VSX2: variants seen among roughly 807,000 people sequenced by gnomAD.
The protein encoded by VSX2 is visual system homeobox 2, also known as ceh-10 homeo domain containing homolog.
A neutral mutation model predicts 32.1 loss-of-function variants in VSX2; 28 were observed. That is an observed-to-expected ratio of 0.87 (90% confidence interval 0.65 to 1.20). The LOEUF (loss-of-function observed/expected upper bound fraction) is 1.20, where lower values mean the gene tolerates loss of function less well. Ranked by LOEUF, VSX2 falls within the 50% of genes most tolerant of loss-of-function variation. The probability of loss-of-function intolerance (pLI) is 0.00; values close to 1 mark genes in which losing one functional copy is unlikely to be tolerated. For synonymous variants in VSX2, 243 were observed against 214.1 expected (o/e 1.14, Z -1.18); for missense variants, 506 against 488.7 (o/e 1.04, Z -0.33).
rs772616650 is a variant in VSX2 at position 74,260,691 on chromosome 14, C to T, written c.858C>T (p.Asp286=). Reference sequence around the variant, plus strand: ...CCAAGCTCGACAAGATGGAGCAGGACGAGCGGGGCCCCGACGCTCAGGCGG... The same window carrying T: ...CCAAGCTCGACAAGATGGAGCAGGATGAGCGGGGCCCCGACGCTCAGGCGG... ...ALPKLDKMEQ[D]ERGPDAQAAI... is the part of the protein sequence containing the mutation. Residue 286 remains aspartate (D), a synonymous_variant, in exon 5 of 5, where the codon GAC becomes GAT. Transcript: ENST00000261980. The T allele has an allele frequency of 9.3e-5, 149 of 1,595,740 alleles. 2 individuals carry two copies. In the East Asian group the frequency reaches 3.0e-3, roughly 32 times the overall value.
intron 3 of VSX2, among the ~76,000 whole-genome samples, chr14:74,252,398 T>TC (rs1268395098): frequency 4.0e-5 from 6 of 151,428 alleles, no homozygotes; most frequent in African/African-American, 1.2e-4. Flanking sequence ...TTCTTTCTTT[T>TC]TTTTTTTTTT....
In VSX2 at chr14:74,253,396, G is replaced by T. The variant is rs12587430; in HGVS notation, c.580-6206G>T. Among the ~76,000 whole-genome samples, 302 of 152,330 alleles carry T rather than the reference G, an allele frequency of 2.0e-3. 12 individuals carry two copies. In the East Asian group the frequency reaches 0.053, roughly 27 times the overall value. ...CTAGAAAAAGGAGCCTAAATGCTGA[G>T]AAGACATATCAAAGGTGGGAGATAA... On this transcript the variant is annotated intron_variant, in intron 3 of 4. Transcript: ENST00000261980.
At chr14:74,259,572 A>G in intron 3 of VSX2, 30 bp from the exon 4 acceptor site, 1 of 1,613,806 alleles carries the variant, frequency 6.2e-7, no homozygotes, top group Non-Finnish European at 8.5e-7. Flanking sequence ...CTCTCAGAGC[A>G]AGCCTCTGAC....
chr14:74,257,614 GA>G (rs760640249), intron 3 of VSX2, among the ~76,000 whole-genome samples: 2 of 754 alleles, frequency 2.7e-3, no homozygotes, highest in South Asian at 0.033. Flanking sequence ...CCCTGCCGGG[GA>G]TTGGCCGGCC....
intron 2 of VSX2, among the ~76,000 whole-genome samples, chr14:74,244,301 G>A (rs573443267): frequency 2.0e-5 from 3 of 152,270 alleles, no homozygotes; most frequent in South Asian, 2.1e-4. Context: ...AGGGTGGCCC[G>A]AATGGAACCC....
intron 3 of VSX2, among the ~76,000 whole-genome samples, chr14:74,250,403 T>G (rs2079220886): frequency 6.6e-6 from 1 of 152,178 alleles, no homozygotes; most frequent in African/African-American, 2.4e-5. Context: ...TATATTCATG[T>G]GTTTATTTTT....
rs2079303700 is a variant in VSX2 at position 74,261,025 on chromosome 14, C to G, written c.*106C>G. ...AAGGCCCAGACCTGGCCTCTGCCAT[C>G]CTCCCTGTTCCCCACAGGTCCTCCA... On this transcript the variant is annotated 3_prime_UTR_variant, in exon 5 of 5. Coordinates refer to ENST00000261980, the MANE Select transcript of VSX2 (RefSeq NM_182894.3). 2 of 1,338,832 alleles carry G rather than the reference C, an allele frequency of 1.5e-6. No homozygotes were observed. The highest frequency in any genetic ancestry group is 2.1e-5 in the Admixed American group (1 of 48,310). 82.9% of individuals were successfully genotyped at this position (1,338,832 alleles called of 1,614,324 possible).
At chr14:74,252,931 C>T (rs1402323684) in intron 3 of VSX2, among the ~76,000 whole-genome samples, 3 of 151,644 alleles carry the variant, frequency 2.0e-5, no homozygotes, top group Non-Finnish European at 2.9e-5. Context: ...TGCCTGTAAT[C>T]CCAGCTACTC....
intron 2 of VSX2, among the ~76,000 whole-genome samples, chr14:74,242,534 C>G (rs917332776): frequency 6.6e-6 from 1 of 151,842 alleles, no homozygotes; most frequent in African/African-American, 2.4e-5. Context: ...TATTCTTTTT[C>G]CGGCAGCTGT....
Position 74,260,991 on chromosome 14 carries a change from C to A in VSX2, c.*72C>A. The A allele has an allele frequency of 6.6e-7, 1 of 1,520,482 alleles. No individual in the cohort carries two copies. Among genetic ancestry groups the A allele is most frequent in the Non-Finnish European group, 8.9e-7 (1 of 1,123,774 alleles). 94.2% of individuals were successfully genotyped at this position (1,520,482 alleles called of 1,614,324 possible). On this transcript the variant is annotated 3_prime_UTR_variant, in exon 5 of 5. Transcript: ENST00000261980. ...GGGCCCTGTGGTGCTGGGAGATGCTCTCTGAGGCAAGGCCCAGACCTGGCC... is the reference window on the plus strand; with the variant it reads ...GGGCCCTGTGGTGCTGGGAGATGCTATCTGAGGCAAGGCCCAGACCTGGCC...
rs568849001 is a variant in VSX2, at chr14:74,253,845, G to A, written c.580-5757G>A. ...CTCAGGAGGCTGAGGCAGGAGAATC[G>A]CTCGAATCTGGGAGGTAGAGGTTGC... On this transcript the variant is annotated intron_variant, in intron 3 of 4. Coordinates refer to ENST00000261980, the MANE Select transcript of VSX2 (RefSeq NM_182894.3). Among the ~76,000 whole-genome samples the A allele has an allele frequency of 5.3e-5, 8 of 152,064 alleles. No individual in the cohort carries two copies. The South Asian group carries it at 1.2e-3, about 24-fold the overall frequency.
At chr14:74,258,087 A>T (rs1176383516) in intron 3 of VSX2, among the ~76,000 whole-genome samples, 1 of 151,762 alleles carries the variant, frequency 6.6e-6, no homozygotes, top group Non-Finnish European at 1.5e-5. Context: ...AAACAAATTA[A>T]CACCCAATTT....
chr14:74,252,418 T>G (rs1427323231), intron 3 of VSX2, among the ~76,000 whole-genome samples: 1 of 149,404 alleles, frequency 6.7e-6, no homozygotes, highest in Non-Finnish European at 1.5e-5. Context: ...TGAGATGCAG[T>G]CTCCCTCTGT....
In VSX2 at chr14:74,239,554, A is replaced by C; in HGVS notation, c.-8A>C. On this transcript the variant is annotated 5_prime_UTR_variant, in exon 1 of 5. Coordinates refer to ENST00000261980, the MANE Select transcript of VSX2 (RefSeq NM_182894.3). The stretch of plus-strand genomic sequence containing the variant: ...CCTGCGGCCTCAGCCCCTCCAAAGA[A>C]CAGGGAGATGACGGGGAAAGCAGGG... 1 of 1,550,906 alleles carries C rather than the reference A, an allele frequency of 6.4e-7. No individual in the cohort carries two copies. Among genetic ancestry groups the C allele is most frequent in the Non-Finnish European group, 8.7e-7 (1 of 1,146,952 alleles).
At chr14:74,259,805 G>A in intron 4 of VSX2, 23 bp downstream of exon 4, 1 of 1,457,556 alleles carries the variant, frequency 6.9e-7, no homozygotes, top group Non-Finnish European at 9.0e-7. Flanking sequence ...ACCCTCCTTG[G>A]GGTCCTGCCC....
intron 3 of VSX2, among the ~76,000 whole-genome samples, chr14:74,247,750 C>T (rs2079201895): frequency 6.6e-6 from 1 of 151,730 alleles, no homozygotes; most frequent in Non-Finnish European, 1.5e-5. Context: ...AGGCGGGGGA[C>T]CTGTATCACA....
rs761903752 is a variant in VSX2, at chr14:74,245,264, G to C, written c.555G>C (p.Thr185=). 1 of 1,613,524 alleles carries C rather than the reference G, an allele frequency of 6.2e-7. No individual in the cohort carries two copies. The highest frequency in any genetic ancestry group is 8.5e-7 in the Non-Finnish European group (1 of 1,179,870). ...VYAREMLAMK[T]ELPEDRIQVW... ...CCCGGGAGATGCTGGCCATGAAAACGGAGCTGCCGGAAGACAGGATACAGG... is the reference window on the plus strand; with the variant it reads ...CCCGGGAGATGCTGGCCATGAAAACCGAGCTGCCGGAAGACAGGATACAGG... Residue 185 remains threonine, a synonymous_variant, in exon 3 of 5, where the codon ACG becomes ACC. Transcript: ENST00000261980.
chr14:74,250,117 G>A (rs930090818), intron 3 of VSX2, among the ~76,000 whole-genome samples: 1 of 152,092 alleles, frequency 6.6e-6, no homozygotes, highest in African/African-American at 2.4e-5. Flanking sequence ...ACACATGCTG[G>A]TCCCAGCTAC....
chr14:74,245,310 C>T lies in VSX2; in HGVS notation c.579+22C>T, dbSNP rs1295599866. ...ACAGGTAACAGCCCTGAGCCCCTCT[C>T]CCCTCCACTCTCCCCTCTCTCGGTG... On this transcript the variant is annotated intron_variant, in intron 3 of 4. Transcript: ENST00000261980. 1.9e-6 allele frequency: 3 copies of T among 1,613,088 alleles called. No homozygotes were observed. In the South Asian group the frequency reaches 3.3e-5, roughly 18 times the overall value.
Sources: allele counts gnomAD v4.1 joint callset (sites outside exome capture counted in the v4.1 genomes callset), GRCh38; gene constraint gnomAD v4.1.1; transcripts MANE v1.5; gene names NCBI Gene and HGNC (gene_info 2026-07-23, HGNC 2026-07-21).